The following UBE2G2 variants were observed in gnomAD, a reference collection of about 807,000 sequenced individuals.
The protein encoded by UBE2G2 is ubiquitin conjugating enzyme E2 G2.
A neutral mutation model predicts 23.0 loss-of-function variants in UBE2G2; 10 were observed. The ratio of observed to expected loss-of-function variants is 0.43; its 90% CI spans 0.27 to 0.74. The LOEUF is 0.74. UBE2G2 is among the 30% of genes least tolerant of loss of function. UBE2G2 has a pLI of 0.19. For synonymous variants in UBE2G2, 86 were observed against 81.3 expected (o/e 1.06, Z -0.31); for missense variants, 150 against 218.3 (o/e 0.69, Z 1.97).
chr21:44,776,153 A>G (rs1555960556), intron 4 of UBE2G2, among the ~76,000 whole-genome samples: 1 of 152,198 alleles, frequency 6.6e-6, no homozygotes, highest in Admixed American at 6.5e-5. Context: ...CCCCTATGGC[A>G]AAGATGTAAA....
At chr21:44,783,587 A>G (rs2082972978) in intron 3 of UBE2G2, among the ~76,000 whole-genome samples, 1 of 152,246 alleles carries the variant, frequency 6.6e-6, no homozygotes, top group African/African-American at 2.4e-5. Context: ...CTGCAAATAC[A>G]TTCTGCCAAG....
intron 1 of UBE2G2, among the ~76,000 whole-genome samples, chr21:44,794,756 C>A (rs1555963429): frequency 6.6e-6 from 1 of 152,008 alleles, no homozygotes; most frequent in African/African-American, 2.4e-5. Context: ...GGATGGTCTC[C>A]ATCTCCTGAC....
At chr21:44,774,741 C>T in intron 4 of UBE2G2, 1 of 455,940 alleles carries the variant, frequency 2.2e-6, no homozygotes, top group Non-Finnish European at 4.4e-6. Flanking sequence ...AGGCTGTCCA[C>T]CTAAGATCCA....
At chr21:44,801,584 C>T (rs2083138633) in intron 1 of UBE2G2, 122 bp downstream of exon 1, 3 of 1,321,022 alleles carry the variant, frequency 2.3e-6, no homozygotes, top group Non-Finnish European at 2.9e-6. Flanking sequence ...CACAGGGGGG[C>T]TCACGGTGGA....
At chr21:44,797,520 T>C (rs937963651) in intron 1 of UBE2G2, among the ~76,000 whole-genome samples, 2 of 151,802 alleles carry the variant, frequency 1.3e-5, no homozygotes, top group African/African-American at 4.8e-5. Flanking sequence ...ATCGAGACCA[T>C]CCTGGCTAAC....
intron 1 of UBE2G2, 77 bp downstream of exon 1, chr21:44,801,629 C>A (rs1400888671): frequency 6.8e-7 from 1 of 1,470,588 alleles, no homozygotes; most frequent in Non-Finnish European, 9.0e-7. Context: ...AGGCTCCCTG[C>A]CCCAGCCCCG....
intron 4 of UBE2G2, among the ~76,000 whole-genome samples, chr21:44,776,093 C>T (rs536319386): frequency 9.2e-5 from 14 of 152,182 alleles, no homozygotes; most frequent in South Asian, 2.1e-4. Context: ...TATTGGCAGA[C>T]GGCATTTCCA....
chr21:44,781,636 C>T (rs2082957498), intron 3 of UBE2G2, among the ~76,000 whole-genome samples: 1 of 152,178 alleles, frequency 6.6e-6, no homozygotes, highest in South Asian at 2.1e-4. Context: ...GCACTTTCCT[C>T]CAGCACTTGG....
At chr21:44,793,347 T>C (rs1330748789) in intron 1 of UBE2G2, among the ~76,000 whole-genome samples, 2 of 152,210 alleles carry the variant, frequency 1.3e-5, no homozygotes, top group African/African-American at 4.8e-5. Flanking sequence ...AGTTCCCCTT[T>C]GGCACTCCCC....
At chr21:44,773,914 C>G in intron 4 of UBE2G2, 1 of 492,662 alleles carries the variant, frequency 2.0e-6, no homozygotes, top group Non-Finnish European at 3.5e-6. Context: ...CCAGCCAGTT[C>G]TAATCAGCTG....
At chr21:44,777,572 C>A (rs2082922840) in intron 3 of UBE2G2, among the ~76,000 whole-genome samples, 155 bp from the exon 4 acceptor site, 1 of 152,206 alleles carries the variant, frequency 6.6e-6, no homozygotes, top group South Asian at 2.1e-4. Flanking sequence ...CTTTGGAAGG[C>A]CGAGACAGGC....
intron 3 of UBE2G2, chr21:44,779,318 AC>A (rs2082938121): frequency 3.5e-6 from 1 of 286,552 alleles, no homozygotes; most frequent in African/African-American, 2.6e-5. Context: ...TGTCTTTGCT[AC>A]CTTTTCAGAA....
chr21:44,796,029 AC>A (rs1195494985), intron 1 of UBE2G2, among the ~76,000 whole-genome samples: 2 of 152,190 alleles, frequency 1.3e-5, no homozygotes, highest in East Asian at 1.9e-4. Context: ...AGGAAGAATG[AC>A]CCCATCAACA....
chr21:44,789,601 T>G (rs2083027893), intron 1 of UBE2G2, among the ~76,000 whole-genome samples: 1 of 151,926 alleles, frequency 6.6e-6, no homozygotes, highest in African/African-American at 2.4e-5. Flanking sequence ...GGCAGTCTTT[T>G]CCATGAATGA....
rs894306181 is a variant in UBE2G2 at position 44,772,136 on chromosome 21, T to C, written c.386-647A>G. Among the ~76,000 whole-genome samples the C allele has an allele frequency of 6.6e-6, 1 of 152,186 alleles. No homozygotes were observed. The highest frequency in any genetic ancestry group is 2.4e-5 in the African/African-American group (1 of 41,438). ...GGATGACATGTGCTGAGGCAGCAGC[T>C]GTGCAGTGCGGCGGTGGCGCTGCTC... On this transcript the variant is annotated intron_variant, in intron 5 of 5. Coordinates refer to ENST00000345496, the MANE Select transcript of UBE2G2 (RefSeq NM_003343.6). The surrounding 1 kb of genome is among the most constrained non-coding windows in gnomAD (Gnocchi z 5.4).
intron 1 of UBE2G2, among the ~76,000 whole-genome samples, chr21:44,798,017 G>C (rs183725960): frequency 1.3e-5 from 2 of 151,882 alleles, no homozygotes; most frequent in East Asian, 3.9e-4. Context: ...AATCAGCCAG[G>C]TGTAGGGGCA....
At chr21:44,793,285 G>A (rs1192243623) in intron 1 of UBE2G2, among the ~76,000 whole-genome samples, 4 of 152,226 alleles carry the variant, frequency 2.6e-5, no homozygotes, top group Non-Finnish European at 5.9e-5. Context: ...ACCTTCGTGG[G>A]ACCATGAAGA....
At chr21:44,783,890 C>A (rs568462707) in intron 3 of UBE2G2, among the ~76,000 whole-genome samples, 4 of 152,188 alleles carry the variant, frequency 2.6e-5, no homozygotes, top group Non-Finnish European at 4.4e-5. Context: ...TGCCTTGGAT[C>A]CTGCCTGTAA....
chr21:44,772,421 T>G lies in UBE2G2; in HGVS notation c.386-932A>C, dbSNP rs1283441012. ...GCAGAGAATAGCTGAGTGGCCTCAC[T>G]CTGGCATCGACCCCTGGCCCTCTGC... On this transcript the variant is annotated intron_variant, in intron 5 of 5. Coordinates refer to ENST00000345496, the MANE Select transcript of UBE2G2 (RefSeq NM_003343.6). This position sits in a 1 kb window ranked among gnomAD's most constrained non-coding sequence, Gnocchi z 5.4. 2.0e-5 allele frequency among the ~76,000 whole-genome samples: 3 copies of G among 152,080 alleles called. No homozygotes were observed. Among genetic ancestry groups the G allele is most frequent in the African/African-American group, 7.2e-5 (3 of 41,390 alleles).
Sources: allele counts gnomAD v4.1 joint callset (sites outside exome capture counted in the v4.1 genomes callset), GRCh38; gene constraint gnomAD v4.1.1; non-coding constraint Gnocchi (gnomAD v3.1); transcripts MANE v1.5; gene names NCBI Gene and HGNC (gene_info 2026-07-23, HGNC 2026-07-21).